The following STN1 variants were observed in gnomAD, a reference collection of about 807,000 sequenced individuals.
STN1 encodes CST complex subunit STN1.
A neutral mutation model predicts 45.5 loss-of-function variants in STN1; 29 were observed. The observed-to-expected ratio is 0.64, with a 90% CI of 0.47 to 0.87. STN1 has a LOEUF of 0.87. Among genes scored for constraint, STN1 ranks in the 40% least tolerant of loss-of-function variants. The pLI is 0.00. For synonymous variants in STN1, 148 were observed against 159.0 expected, an observed-to-expected ratio of 0.93 and a Z score of 0.52; for missense variants, 376 against 441.4, an observed-to-expected ratio of 0.85 and a Z score of 1.33.
intron 8 of STN1, among the ~76,000 whole-genome samples, 170 bp from the exon 9 acceptor site, chr10:103,889,314 T>C (rs1179152280): frequency 1.3e-5 from 2 of 152,156 alleles, no homozygotes; most frequent in African/African-American, 2.4e-5. Context: ...AAACCAGTTC[T>C]GCCCAGAGGA....
rs762745867 is a variant in STN1, at chr10:103,897,639, ACT to A, written c.660_661del (p.Arg220SerfsTer35). ...CAGCTCCTGCTGGTAAAAGCTCTGC[ACT>A]CTGTTCTCCATGAGGAATTCTTTGG... On this transcript the variant is annotated frameshift_variant, in exon 7 of 10. Transcript: ENST00000224950. LOFTEE classifies it high-confidence loss of function. 1 of 1,614,128 alleles carries A rather than the reference ACT, an allele frequency of 6.2e-7. No individual in the cohort carries two copies. Among genetic ancestry groups the A allele is most frequent in the South Asian group, 1.1e-5 (1 of 91,080 alleles).
chr10:103,914,368 ATATATATTTT>A (rs1843313427), intron 2 of STN1, among the ~76,000 whole-genome samples: 1 of 15,428 alleles, frequency 6.5e-5, no homozygotes, highest in Non-Finnish European at 2.0e-4. Flanking sequence ...ATATATATAT[ATATATATTTT>A]TTTTTTTTTT....
Position 103,879,889 on chromosome 10 carries a change from C to T in STN1, c.*2795G>A, listed in dbSNP as rs1035172887. ...AAGCCAATGGATTTGGTTTGAGCAA[C>T]TGGATGGAGCTACCTCTTCCTGAAT... On this transcript the variant is annotated 3_prime_UTR_variant, in exon 10 of 10. Transcript: ENST00000224950. The T allele has an allele frequency of 1.1e-4, 17 of 152,332 alleles. No homozygotes were observed. The highest frequency in any genetic ancestry group is 4.1e-4 in the African/African-American group (17 of 41,468). The allele number at this position is 152,332 out of a possible 1,614,324, so 9.4% of individuals were successfully genotyped here.
intron 8 of STN1, among the ~76,000 whole-genome samples, chr10:103,889,724 C>T (rs1384111955): frequency 1.7e-5 from 2 of 120,836 alleles, no homozygotes; most frequent in South Asian, 2.8e-4. Flanking sequence ...TTTTTTGAGA[C>T]GGAATCTCAC....
At chr10:103,890,420 A>C (rs1843132482) in intron 8 of STN1, among the ~76,000 whole-genome samples, 1 of 152,222 alleles carries the variant, frequency 6.6e-6, no homozygotes, top group Non-Finnish European at 1.5e-5. Flanking sequence ...CAGTGGAGAG[A>C]TGAAGTCAGA....
Position 103,917,656 on chromosome 10 carries a change from T to A in STN1, c.-62A>T. The A allele has an allele frequency of 1.3e-6, 2 of 1,571,464 alleles. No individual in the cohort carries two copies. The highest frequency in any genetic ancestry group is 4.5e-5 in the East Asian group (2 of 44,382). ...AGGTTCTGCATCACTGAGTCAAGCATCTAGATGGGACACAGAAATGAGGAT... is the reference window on the plus strand; with the variant it reads ...AGGTTCTGCATCACTGAGTCAAGCAACTAGATGGGACACAGAAATGAGGAT... On this transcript the variant is annotated splice_region_variant and 5_prime_UTR_variant, in exon 2 of 10. An upstream start codon of the reference 5' UTR is lost. Transcript: ENST00000224950.
intron 3 of STN1, among the ~76,000 whole-genome samples, chr10:103,906,502 A>C (rs1319706478): frequency 1.3e-5 from 2 of 151,934 alleles, no homozygotes; most frequent in Non-Finnish European, 2.9e-5. Context: ...ACCAAAAAAA[A>C]ATTTTTAAAT....
At chr10:103,886,604 A>C (rs1843104964) in intron 9 of STN1, among the ~76,000 whole-genome samples, 1 of 152,184 alleles carries the variant, frequency 6.6e-6, no homozygotes, top group Non-Finnish European at 1.5e-5. Context: ...CTTCCAGATC[A>C]ATATTAAACC....
intron 3 of STN1, among the ~76,000 whole-genome samples, chr10:103,909,354 CA>C (rs1182343917): frequency 0.017 from 1,065 of 61,240 alleles, 132 homozygotes; most frequent in Admixed American, 0.056. Context: ...TTTTCAGAAT[CA>C]AAAAAAAAAA....
chr10:103,914,356 A>ATTTTTTTTTTTT (rs1564636108), intron 2 of STN1, among the ~76,000 whole-genome samples: 1 of 19,144 alleles, frequency 5.2e-5, no homozygotes. Context: ...ATATATATAT[A>ATTTTTTTTTTTT]TATATATATA....
At chr10:103,887,740 T>A (rs556512742) in intron 9 of STN1, among the ~76,000 whole-genome samples, 4 of 152,308 alleles carry the variant, frequency 2.6e-5, no homozygotes, top group Admixed American at 2.6e-4. Flanking sequence ...TGTGGGTAGA[T>A]GTAGATGTTA....
In STN1 at chr10:103,897,663, T is replaced by A. The variant is rs377029816; in HGVS notation, c.638A>T (p.Lys213Ile). ...CACTCTGTTCTCCATGAGGAATTCTTTGGCTTTTTCACTCAGCAAACTCGT... is the reference window on the plus strand; with the variant it reads ...CACTCTGTTCTCCATGAGGAATTCTATGGCTTTTTCACTCAGCAAACTCGT... ...SLTSLLSEKA[K>I]EFLMENRVQS... The change falls in exon 7 of 10, where the codon AAA becomes ATA. Residue 213 changes from lysine to isoleucine, a missense_variant. Transcript: ENST00000224950. 6.2e-7 allele frequency: 1 copy of A among 1,614,156 alleles called. No individual in the cohort carries two copies. Among genetic ancestry groups the A allele is most frequent in the Non-Finnish European group, 8.5e-7 (1 of 1,180,028 alleles).
chr10:103,900,190 G>C lies in STN1; in HGVS notation c.329C>G (p.Thr110Ser), dbSNP rs748825170. 9 of 1,614,174 alleles carry C rather than the reference G, an allele frequency of 5.6e-6. No individual in the cohort carries two copies. Among genetic ancestry groups the C allele is most frequent in the Non-Finnish European group, 7.6e-6 (9 of 1,180,014 alleles). ...CTCTTGTAGCTTCTTAAGTTGTGAGGTTAAGCTGAGCTCTCTTGCTGCACT... is the reference window on the plus strand; with the variant it reads ...CTCTTGTAGCTTCTTAAGTTGTGAGCTTAAGCTGAGCTCTCTTGCTGCACT... ...APSAARELSL[T>S]SQLKKLQETI... The change falls in exon 5 of 10, where the codon ACC (threonine) becomes AGC (serine). Residue 110 changes from threonine (T) to serine (S), a missense_variant. By Grantham distance (58) the Thr-to-Ser change is moderately conservative (BLOSUM62 1). Transcript: ENST00000224950.
rs1843232112 is a variant in STN1 at position 103,905,072 on chromosome 10, A to G, written c.295+19T>C. 6.2e-7 allele frequency: 1 copy of G among 1,607,396 alleles called. No homozygotes were observed. Among genetic ancestry groups the G allele is most frequent in the Non-Finnish European group, 8.5e-7 (1 of 1,174,026 alleles). The stretch of plus-strand genomic sequence containing the variant: ...CATTAGTTAGGTGAAAAGTAAAGGA[A>G]TGTGGCAAATAAAATTACCTGATAC... On this transcript the variant is annotated intron_variant, in intron 4 of 9. Coordinates refer to ENST00000224950, the MANE Select transcript of STN1 (RefSeq NM_024928.5).
rs1471601967 is a variant in STN1 at position 103,878,336 on chromosome 10, C to CT, written c.*4347dup. The CT allele has an allele frequency of 6.6e-6, 1 of 152,204 alleles. No homozygotes were observed. Among genetic ancestry groups the CT allele is most frequent in the Non-Finnish European group, 1.5e-5 (1 of 68,058 alleles). The allele number at this position is 152,204 out of a possible 1,614,324, so 9.4% of individuals were successfully genotyped here. A position where few individuals can be genotyped will look rare whatever the true frequency, so the allele number is the denominator to read the frequency against. ...CTTCAGTACATGAGCAGTGACCCAG[C>CT]TGTGGTTAGCTCCAGAGAGTTTTCT... On this transcript the variant is annotated 3_prime_UTR_variant, in exon 10 of 10. Transcript: ENST00000224950.
At chr10:103,889,790 C>T (rs1843127764) in intron 8 of STN1, among the ~76,000 whole-genome samples, 3 of 151,586 alleles carry the variant, frequency 2.0e-5, no homozygotes, top group Admixed American at 2.0e-4. Flanking sequence ...GCAACCTCCG[C>T]CTCCCAGGTT....
At chr10:103,897,524 CT>C in intron 7 of STN1, 23 bp downstream of exon 7, 1 of 1,610,496 alleles carries the variant, frequency 6.2e-7, no homozygotes, top group Non-Finnish European at 8.5e-7. Context: ...AACCAGAATT[CT>C]CACATGGGCA....
At chr10:103,899,665 C>T (rs536688250) in intron 5 of STN1, among the ~76,000 whole-genome samples, 66 of 147,604 alleles carry the variant, frequency 4.5e-4, no homozygotes, top group African/African-American at 1.7e-3. Flanking sequence ...CCACCCTGGG[C>T]AACAGTGTAA....
In STN1 at chr10:103,914,374, A is replaced by ATTTTTTT. The variant is rs1264013304; in HGVS notation, c.133+3081_133+3087dup. Among the ~76,000 whole-genome samples, 46 of 97,360 alleles carry ATTTTTTT rather than the reference A, an allele frequency of 4.7e-4. 2 individuals carry two copies. The highest frequency in any genetic ancestry group is 2.1e-3 in the African/African-American group (42 of 20,424). The allele number at this position is 97,360 out of a possible 152,430, so 63.9% of individuals were successfully genotyped here. ...TATATATATATATATATATATATAT[A>ATTTTTTT]TTTTTTTTTTTTTTTTTTGAGACAG... On this transcript the variant is annotated intron_variant, in intron 2 of 9. Coordinates refer to ENST00000224950, the MANE Select transcript of STN1 (RefSeq NM_024928.5).
Sources: gnomAD v4.1 joint callset for allele counts (sites outside exome capture counted in the v4.1 genomes callset) on GRCh38, gnomAD v4.1.1 for gene constraint, MANE v1.5 for transcripts, NCBI Gene and HGNC (gene_info 2026-07-23, HGNC 2026-07-21) for gene names.